Variants in SLC26A7 observed in about 807,000 individuals in gnomAD.
The protein encoded by SLC26A7 is solute carrier family 26 member 7.
Under a neutral mutation model 82.5 loss-of-function variants are expected in SLC26A7, and 59 were observed. The ratio of observed to expected loss-of-function variants is 0.72; its 90% confidence interval spans 0.58 to 0.89. The LOEUF (loss-of-function observed/expected upper bound fraction) is 0.89. SLC26A7 is among the 40% of genes least tolerant of loss of function. The pLI is 0.00. For synonymous variants in SLC26A7, 271 were observed against 274.3 expected, an observed-to-expected ratio of 0.99 and a Z score of 0.12; for missense variants, 820 against 793.0, an observed-to-expected ratio of 1.03 and a Z score of -0.41.
chr8:91,324,964 G>C (rs1812894551), intron 5 of SLC26A7, among the ~76,000 whole-genome samples: 1 of 152,172 alleles, frequency 6.6e-6, no homozygotes, highest in South Asian at 2.1e-4. Flanking sequence ...ATGTTGGAAA[G>C]ACAGAATGGG....
At chr8:91,288,948 G>T (rs1359611914) in intron 2 of SLC26A7, among the ~76,000 whole-genome samples, 188 bp from the exon 3 acceptor site, 1 of 152,108 alleles carries the variant, frequency 6.6e-6, no homozygotes, top group East Asian at 1.9e-4. Context: ...AATGGTTTTT[G>T]GAATCATAAC....
At chr8:91,210,893 T>C (rs571867203) in intron 1 of SLC26A7, among the ~76,000 whole-genome samples, 1 of 152,198 alleles carries the variant, frequency 6.6e-6, no homozygotes, top group Non-Finnish European at 1.5e-5. Flanking sequence ...AAAAAGCACA[T>C]TGAGTTCCAA....
At position 91,332,305 on chromosome 8, in the gene SLC26A7, TA is replaced by T. The variant is rs776414469; in HGVS notation, c.643-1987del. ...AATTATAAATGTATAATTATATAGA[TA>T]AATTATATAATTATATAATTTATAT... On this transcript the variant is annotated intron_variant, in intron 5 of 18. Transcript: ENST00000276609. Among the ~76,000 whole-genome samples the T allele has an allele frequency of 1.4e-3, 200 of 141,286 alleles. 2 individuals carry two copies. The highest frequency in any genetic ancestry group is 5.1e-3 in the African/African-American group (197 of 38,798). 92.7% of individuals were successfully genotyped at this position (141,286 alleles called of 152,430 possible).
chr8:91,383,437 G>C (rs1233385217), intron 15 of SLC26A7, among the ~76,000 whole-genome samples: 2 of 152,004 alleles, frequency 1.3e-5, no homozygotes, highest in Non-Finnish European at 2.9e-5. Context: ...AGTGATTAAA[G>C]GAAGAAAAGA....
intron 15 of SLC26A7, among the ~76,000 whole-genome samples, chr8:91,374,556 T>A (rs564789553): frequency 6.6e-6 from 1 of 152,196 alleles, no homozygotes; most frequent in East Asian, 1.9e-4. Flanking sequence ...CTCTTAGTAT[T>A]GATTTACACT....
upstream of SLC26A7, among the ~76,000 whole-genome samples, chr8:91,246,700 TA>T (rs1206713399): frequency 4.6e-3 from 597 of 128,922 alleles, 1 homozygote; most frequent in African/African-American, 0.011. Flanking sequence ...GACTCTGTCT[TA>T]AAAAAAAAAA....
At chr8:91,393,115 G>A (rs1374374474) in intron 16 of SLC26A7, among the ~76,000 whole-genome samples, 2 of 152,060 alleles carry the variant, frequency 1.3e-5, no homozygotes, top group African/African-American at 4.8e-5. Context: ...GTTATATAAC[G>A]AAATCCATCC....
At chr8:91,273,806 A>G (rs1438664788) in intron 2 of SLC26A7, among the ~76,000 whole-genome samples, 2 of 152,154 alleles carry the variant, frequency 1.3e-5, no homozygotes, top group African/African-American at 4.8e-5. Context: ...TAATTTTTCT[A>G]CTTTCTCTGA....
Position 91,397,399 on chromosome 8 carries a change from T to A in SLC26A7, c.*2302T>A, listed in dbSNP as rs1808599566. On this transcript the variant is annotated 3_prime_UTR_variant, in exon 19 of 19. Coordinates refer to ENST00000276609, the MANE Select transcript of SLC26A7 (RefSeq NM_052832.4). ...TGTAGTGGTCTTGATGCTGGATTGTTTCTAGAGTCACAATGAATTATTTTT... is the reference window on the plus strand; with the variant it reads ...TGTAGTGGTCTTGATGCTGGATTGTATCTAGAGTCACAATGAATTATTTTT... 6.6e-6 allele frequency: 1 copy of A among 152,556 alleles called. No homozygotes were observed. Among genetic ancestry groups the A allele is most frequent in the Non-Finnish European group, 1.5e-5 (1 of 67,960 alleles). 9.5% of individuals were successfully genotyped at this position (152,556 alleles called of 1,614,324 possible).
chr8:91,218,591 T>G (rs994263505), intron 1 of SLC26A7, among the ~76,000 whole-genome samples: 2 of 152,166 alleles, frequency 1.3e-5, no homozygotes, highest in Admixed American at 1.3e-4. Flanking sequence ...TCATGTAGAT[T>G]CTGTATCATT....
chr8:91,213,982 A>G (rs1809987566), intron 1 of SLC26A7, among the ~76,000 whole-genome samples: 1 of 152,082 alleles, frequency 6.6e-6, no homozygotes, highest in Non-Finnish European at 1.5e-5. Flanking sequence ...ATGAAACCCT[A>G]CTGAACATGT....
At chr8:91,328,172 C>G (rs1442040868) in intron 5 of SLC26A7, among the ~76,000 whole-genome samples, 1 of 151,962 alleles carries the variant, frequency 6.6e-6, no homozygotes, top group African/African-American at 2.4e-5. Flanking sequence ...AGTGGATAAA[C>G]TTTGGATTTT....
intron 3 of SLC26A7, 63 bp from the exon 4 acceptor site, chr8:91,295,468 A>T: frequency 6.4e-7 from 1 of 1,552,750 alleles, no homozygotes; most frequent in Non-Finnish European, 8.7e-7. Flanking sequence ...AGAATCCCAC[A>T]ATTTTTATTG....
chr8:91,355,440 T>C (rs7837310), intron 11 of SLC26A7, among the ~76,000 whole-genome samples: 25,959 of 152,130 alleles, frequency 0.17, 2,534 homozygotes, highest in Middle Eastern at 0.29. Flanking sequence ...TCTATATATT[T>C]TCCCATGATT....
Position 91,300,212 on chromosome 8 carries a change from T to C in SLC26A7, c.477+4509T>C, listed in dbSNP as rs1301223500. On this transcript the variant is annotated intron_variant, in intron 4 of 18. Coordinates refer to ENST00000276609, the MANE Select transcript of SLC26A7 (RefSeq NM_052832.4). ...CAGGTTTTGCACATTTTTGTCAAGT[T>C]TATTCCCAAGGATTTAATCTTCTTT... is the stretch of plus-strand genomic sequence containing the variant. 3.9e-5 allele frequency among the ~76,000 whole-genome samples: 6 copies of C among 152,180 alleles called. No homozygotes were observed. In the East Asian group the frequency reaches 1.2e-3, roughly 29 times the overall value.
intron 2 of SLC26A7, among the ~76,000 whole-genome samples, chr8:91,222,319 A>G (rs1228760381): frequency 6.6e-6 from 1 of 152,118 alleles, no homozygotes; most frequent in Non-Finnish European, 1.5e-5. Context: ...GCAAACAGAA[A>G]CAACTTGACT....
intron 9 of SLC26A7, among the ~76,000 whole-genome samples, chr8:91,343,779 C>T (rs1312889903): frequency 1.3e-5 from 2 of 152,110 alleles, no homozygotes; most frequent in Non-Finnish European, 1.5e-5. Context: ...GTCAACATGA[C>T]GTTTTCCCAT....
At chr8:91,370,730 C>A (rs1424838154) in intron 15 of SLC26A7, among the ~76,000 whole-genome samples, 1 of 151,878 alleles carries the variant, frequency 6.6e-6, no homozygotes, top group African/African-American at 2.4e-5. Context: ...GATATTATAA[C>A]TAAATGATAA....
intron 4 of SLC26A7, among the ~76,000 whole-genome samples, chr8:91,296,290 C>T (rs188153851): frequency 2.8e-4 from 43 of 152,118 alleles, no homozygotes; most frequent in African/African-American, 6.3e-4. Flanking sequence ...TCTAATCAGT[C>T]GTCAAAATTT....
Sources: gnomAD v4.1 joint callset for allele counts (sites outside exome capture counted in the v4.1 genomes callset) on GRCh38, gnomAD v4.1.1 for gene constraint, MANE v1.5 for transcripts, NCBI Gene and HGNC (gene_info 2026-07-23, HGNC 2026-07-21) for gene names.